ZFHX4: variants seen among roughly 807,000 people sequenced by gnomAD.
ZFHX4 encodes the protein zinc finger homeobox protein 4.
Under a neutral mutation model 267.6 loss-of-function variants are expected in ZFHX4, and 56 were observed. That is an observed-to-expected ratio of 0.21 (90% CI 0.17 to 0.26). The LOEUF is 0.26. Among genes scored for constraint, ZFHX4 ranks in the 10% least tolerant of loss-of-function variants. The pLI is 1.00. For missense variants in ZFHX4, 4,332 were observed against 4,420.0 expected, an observed-to-expected ratio of 0.98 and a Z score of 0.56; for synonymous variants, 1,778 against 1,665.6, an observed-to-expected ratio of 1.07 and a Z score of -1.64.
At chr8:76,791,362 T>C (rs1043858462) in intron 4 of ZFHX4, among the ~76,000 whole-genome samples, 1 of 152,164 alleles carries the variant, frequency 6.6e-6, no homozygotes, top group African/African-American at 2.4e-5. Context: ...ACCATTAATC[T>C]GATGTATTGA....
At position 76,855,471 on chromosome 8, in the gene ZFHX4, A is replaced by C. The variant is rs1443661516; in HGVS notation, c.8550A>C (p.Lys2850Asn). The change falls in exon 10 of 11, where the codon AAA (lysine) becomes AAC (asparagine). Residue 2850 changes from lysine to asparagine, a missense_variant. By Grantham distance (94) the Lys-to-Asn change is moderately conservative (BLOSUM62 0). Coordinates refer to ENST00000651372, the MANE Select transcript of ZFHX4 (RefSeq NM_024721.5). ...KEPKTLDTLP[K>N]PATTPTTEVC... ...CAAAAACTCTGGATACTCTGCCAAA[A>C]CCTGCAACCACACCTACCACGGAGG... 4 of 1,613,684 alleles carry C rather than the reference A, an allele frequency of 2.5e-6. No homozygotes were observed. Among genetic ancestry groups the C allele is most frequent in the Non-Finnish European group, 3.4e-6 (4 of 1,179,814 alleles).
At chr8:76,713,282 AAGATAGATAGATAGAT>A (rs142140233) in intron 3 of ZFHX4, among the ~76,000 whole-genome samples, 1 of 143,070 alleles carries the variant, frequency 7.0e-6, no homozygotes, top group Non-Finnish European at 1.5e-5. Context: ...GATAGATAGA[AAGATAGATAGATAGAT>A]AGATAGATAG....
At chr8:76,806,780 A>AT (rs910133890) in intron 4 of ZFHX4, among the ~76,000 whole-genome samples, 1 of 151,992 alleles carries the variant, frequency 6.6e-6, no homozygotes, top group South Asian at 2.1e-4. Context: ...AATGTTTTTG[A>AT]TTTTTTTTGT....
At chr8:76,703,930 C>A (rs1404533951) in intron 1 of ZFHX4, 113 bp from the exon 2 acceptor site, 4 of 788,214 alleles carry the variant, frequency 5.1e-6, no homozygotes, top group African/African-American at 1.8e-5. Context: ...AAGTTTTTCC[C>A]CTTACCTTTT....
chr8:76,815,390 G>A (rs1263002777), intron 4 of ZFHX4, among the ~76,000 whole-genome samples: 2 of 152,138 alleles, frequency 1.3e-5, no homozygotes, highest in African/African-American at 4.8e-5. Context: ...AGATCAAGGT[G>A]CCAGCCAATT....
At chr8:76,798,165 C>G (rs149967626) in intron 4 of ZFHX4, among the ~76,000 whole-genome samples, 1 of 152,052 alleles carries the variant, frequency 6.6e-6, no homozygotes, top group Non-Finnish European at 1.5e-5. Context: ...CAGATATAAA[C>G]GTGACCTTCA....
intron 3 of ZFHX4, among the ~76,000 whole-genome samples, chr8:76,714,551 C>A (rs951358298): frequency 6.6e-5 from 10 of 152,300 alleles, no homozygotes; most frequent in African/African-American, 2.4e-4. Flanking sequence ...CCACCAATAA[C>A]CGTGAGGAAA....
chr8:76,812,625 T>A (rs996135335), intron 4 of ZFHX4, among the ~76,000 whole-genome samples: 6 of 152,194 alleles, frequency 3.9e-5, no homozygotes, highest in Non-Finnish European at 8.8e-5. Flanking sequence ...CCATGTTAAC[T>A]AAAAGTCATA....
intron 3 of ZFHX4, among the ~76,000 whole-genome samples, chr8:76,731,387 G>A (rs1257317982): frequency 6.6e-6 from 1 of 152,198 alleles, no homozygotes; most frequent in Non-Finnish European, 1.5e-5. Context: ...TGGAGATGGG[G>A]AGAAGGGAGA....
intron 6 of ZFHX4, among the ~76,000 whole-genome samples, chr8:76,843,078 A>G (rs1212897375): frequency 1.3e-5 from 2 of 152,214 alleles, no homozygotes; most frequent in Non-Finnish European, 2.9e-5. Context: ...GTAATTTTTT[A>G]AGCGCCTTTC....
rs201918452 is a variant in ZFHX4, at chr8:76,778,394, C to T, written c.3280C>T (p.Leu1094Phe). The T allele has an allele frequency of 5.5e-5, 89 of 1,613,882 alleles. No homozygotes were observed. In the African/African-American group the frequency reaches 1.0e-3, roughly 18 times the overall value. Reference protein sequence around the residue: ...QQGLAPEEDNLSEIFFVKDCP... With the variant: ...QQGLAPEEDNFSEIFFVKDCP... Reference sequence around the variant, plus strand: ...AGGCCTGGCACCAGAGGAGGACAACCTCAGTGAGATCTTTTTTGTTAAAGA... The same window carrying T: ...AGGCCTGGCACCAGAGGAGGACAACTTCAGTGAGATCTTTTTTGTTAAAGA... Residue 1094 changes from leucine (L) to phenylalanine (F), a missense_variant, in exon 4 of 11, where the codon CTC becomes TTC. This residue lies in a region of ZFHX4 where 1,371 missense variants were observed against 1,423.1 expected (regional missense o/e 0.96). Transcript: ENST00000651372.
chr8:76,705,313 G>T lies in ZFHX4; in HGVS notation c.1225G>T (p.Gly409Trp). The T allele has an allele frequency of 6.2e-7, 1 of 1,613,998 alleles. No individual in the cohort carries two copies. Among genetic ancestry groups the T allele is most frequent in the Non-Finnish European group, 8.5e-7 (1 of 1,179,894 alleles). Reference sequence around the variant, plus strand: ...AATGCCAAAGGCTGAAGTGAATCTGGGGGGGCTGTCTAGTTTAGTAGTGAA... The same window carrying T: ...AATGCCAAAGGCTGAAGTGAATCTGTGGGGGCTGTCTAGTTTAGTAGTGAA... ...TQMPKAEVNLGGLSSLVVNTP... is the reference protein window; with the variant it reads ...TQMPKAEVNLWGLSSLVVNTP... Residue 409 changes from glycine to tryptophan, a missense_variant, in exon 2 of 11, where the codon GGG becomes TGG. Coordinates refer to ENST00000651372, the MANE Select transcript of ZFHX4 (RefSeq NM_024721.5).
At position 76,854,229 on chromosome 8, in the gene ZFHX4, G is replaced by A. The variant is rs778251008; in HGVS notation, c.7308G>A (p.Ser2436=). The change falls in exon 10 of 11, where the codon TCG becomes TCA. Residue 2436 remains serine, a synonymous_variant. Transcript: ENST00000651372. Reference sequence around the variant, plus strand: ...CCCTGCCATTAGCATCGACTTCCTCGGACCCACCACAGGCATCCACAGCCC... The same window carrying A: ...CCCTGCCATTAGCATCGACTTCCTCAGACCCACCACAGGCATCCACAGCCC... The part of the protein sequence containing the change: ...KPALPLASTS[S]DPPQASTAQP... 10 of 1,566,522 alleles carry A rather than the reference G, an allele frequency of 6.4e-6. No individual in the cohort carries two copies. Among genetic ancestry groups the A allele is most frequent in the Middle Eastern group, 1.7e-4 (1 of 6,006 alleles).
At chr8:76,731,890 ATT>A (rs1563489780) in intron 3 of ZFHX4, among the ~76,000 whole-genome samples, 7 of 145,970 alleles carry the variant, frequency 4.8e-5, no homozygotes, top group African/African-American at 1.8e-4. Context: ...TATTATTATT[ATT>A]TTTGAGACAG....
intron 4 of ZFHX4, among the ~76,000 whole-genome samples, chr8:76,809,059 T>G (rs1286214362): frequency 1.3e-5 from 2 of 152,114 alleles, no homozygotes; most frequent in Non-Finnish European, 2.9e-5. Flanking sequence ...TCCAAAGATT[T>G]GAATGAAAAG....
intron 3 of ZFHX4, among the ~76,000 whole-genome samples, chr8:76,731,822 AT>A (rs1809019496): frequency 6.6e-6 from 1 of 150,534 alleles, no homozygotes; most frequent in Admixed American, 6.7e-5. Context: ...ATGATAATTA[AT>A]TTTTACTTTA....
At chr8:76,816,533 C>T (rs945960843) in intron 4 of ZFHX4, among the ~76,000 whole-genome samples, 2 of 150,848 alleles carry the variant, frequency 1.3e-5, no homozygotes, top group African/African-American at 4.9e-5. Flanking sequence ...AGATATGGCT[C>T]TTGCCACCTA....
At chr8:76,829,805 C>T (rs927631568) in intron 4 of ZFHX4, among the ~76,000 whole-genome samples, 15 of 151,928 alleles carry the variant, frequency 9.9e-5, no homozygotes, top group Admixed American at 7.9e-4. Context: ...GGTTACAGAG[C>T]GAGACTCCAT....
At chr8:76,741,934 CAT>C (rs1563495516) in intron 3 of ZFHX4, among the ~76,000 whole-genome samples, 4 of 152,164 alleles carry the variant, frequency 2.6e-5, no homozygotes, top group African/African-American at 4.8e-5. Context: ...CATTTTTGGT[CAT>C]ATTTTCCAGC....
Sources: gnomAD v4.1 joint callset for allele counts (sites outside exome capture counted in the v4.1 genomes callset) on GRCh38, gnomAD v4.1.1 for gene constraint, gnomAD v4.1.1 regional missense constraint, MANE v1.5 for transcripts, NCBI Gene and HGNC (gene_info 2026-07-23, HGNC 2026-07-21) for gene names.